The following VPS41 variants were observed in gnomAD, a reference collection of about 807,000 sequenced individuals.
VPS41 encodes the protein VPS41 subunit of HOPS complex.
A neutral mutation model predicts 130.9 loss-of-function variants in VPS41; 85 were observed. The observed-to-expected ratio is 0.65, with a 90% CI of 0.55 to 0.78. The LOEUF is 0.78. Ranked by LOEUF, VPS41 falls within the 30% of genes least tolerant of loss-of-function variation. The pLI, the probability that VPS41 is intolerant of heterozygous loss-of-function variation, is 0.00. For missense variants in VPS41, 874 were observed against 1,018.7 expected, an observed-to-expected ratio of 0.86 and a Z score of 1.93; for synonymous variants, 335 against 332.9, an observed-to-expected ratio of 1.01 and a Z score of -0.07.
chr7:38,889,856 C>T (rs772041628), intron 2 of VPS41, among the ~76,000 whole-genome samples: 11 of 152,114 alleles, frequency 7.2e-5, no homozygotes, highest in Non-Finnish European at 1.5e-5. Flanking sequence ...CCAAAAAATA[C>T]AATACCAACT....
intron 4 of VPS41, among the ~76,000 whole-genome samples, chr7:38,838,990 G>A (rs187512553): frequency 4.9e-4 from 75 of 152,256 alleles, no homozygotes; most frequent in Admixed American, 1.6e-3. Flanking sequence ...AGGCTCCTCT[G>A]ACTAACAAAT....
At chr7:38,744,066 A>G (rs1795938616) in intron 23 of VPS41, among the ~76,000 whole-genome samples, 1 of 152,208 alleles carries the variant, frequency 6.6e-6, no homozygotes, top group Admixed American at 6.5e-5. Context: ...TGCCAACTGC[A>G]AACTCAACTA....
chr7:38,779,196 G>A (rs2115884403), intron 10 of VPS41, among the ~76,000 whole-genome samples: 1 of 152,228 alleles, frequency 6.6e-6, no homozygotes, highest in Non-Finnish European at 1.5e-5. Context: ...TATATGCAGT[G>A]GCTAAATCAC....
chr7:38,871,650 C>T (rs532056103), intron 2 of VPS41, among the ~76,000 whole-genome samples: 1 of 152,230 alleles, frequency 6.6e-6, no homozygotes, highest in African/African-American at 2.4e-5. Context: ...ATAACACACT[C>T]CAAAATCTCC....
intron 22 of VPS41, among the ~76,000 whole-genome samples, chr7:38,751,351 T>C (rs1361175241): frequency 6.6e-6 from 1 of 152,184 alleles, no homozygotes; most frequent in Non-Finnish European, 1.5e-5. Flanking sequence ...TAGTCAGACA[T>C]TTGTAGATGT....
chr7:38,891,283 TAA>T (rs1453161129), intron 2 of VPS41, among the ~76,000 whole-genome samples: 12 of 152,198 alleles, frequency 7.9e-5, no homozygotes, highest in Non-Finnish European at 5.9e-5. Context: ...GCTAAGTATA[TAA>T]GTTATGCATA....
intron 15 of VPS41, among the ~76,000 whole-genome samples, chr7:38,767,254 G>A (rs764557716): frequency 6.6e-6 from 1 of 152,090 alleles, no homozygotes; most frequent in Non-Finnish European, 1.5e-5. Context: ...GGTAAAGTCT[G>A]AGATCCTTCA....
intron 25 of VPS41, among the ~76,000 whole-genome samples, chr7:38,735,813 C>T (rs1795751616): frequency 6.6e-6 from 1 of 152,170 alleles, no homozygotes; most frequent in Non-Finnish European, 1.5e-5. Flanking sequence ...GACAGCCCCT[C>T]TGTTAAGAAG....
intron 22 of VPS41, among the ~76,000 whole-genome samples, chr7:38,750,720 C>G (rs1049015449): frequency 6.6e-6 from 1 of 152,114 alleles, no homozygotes; most frequent in East Asian, 1.9e-4. Context: ...AAACTTTAAA[C>G]CAGGTGGGCA....
chr7:38,865,491 T>A (rs1172576321), intron 3 of VPS41, among the ~76,000 whole-genome samples: 1 of 151,762 alleles, frequency 6.6e-6, no homozygotes, highest in Non-Finnish European at 1.5e-5. Flanking sequence ...CTTAAAAGGG[T>A]TATGGTATAA....
At chr7:38,833,466 T>C (rs547905860) in intron 4 of VPS41, among the ~76,000 whole-genome samples, 8 of 152,316 alleles carry the variant, frequency 5.3e-5, no homozygotes, top group African/African-American at 1.9e-4. Flanking sequence ...CCCCTGGTTC[T>C]CTCTACTCCA....
At chr7:38,733,599 A>G (rs918916755) in intron 25 of VPS41, among the ~76,000 whole-genome samples, 1 of 152,196 alleles carries the variant, frequency 6.6e-6, no homozygotes, top group Non-Finnish European at 1.5e-5. Flanking sequence ...TTAACCCACT[A>G]AAAACTTTCT....
At chr7:38,882,454 C>T (rs1234282796) in intron 2 of VPS41, among the ~76,000 whole-genome samples, 1 of 152,204 alleles carries the variant, frequency 6.6e-6, no homozygotes, top group African/African-American at 2.4e-5. Flanking sequence ...TAAATGATCT[C>T]ATCCAGTTTC....
At chr7:38,816,902 C>A (rs912354216) in intron 7 of VPS41, among the ~76,000 whole-genome samples, 2 of 151,990 alleles carry the variant, frequency 1.3e-5, no homozygotes, top group Non-Finnish European at 2.9e-5. Flanking sequence ...TACCACCACA[C>A]GCAGCTAATT....
Position 38,789,811 on chromosome 7 carries a change from A to G in VPS41, c.774T>C (p.Tyr258=). ...ASEMRDLPSR[Y]VEIVSQFETE... is the part of the protein sequence containing the mutation. ...GTGTTGGAGCCATACCTATTTCAAC[A>G]TATCGACTTGGCAAATCCCTCATTT... The change falls in exon 10 of 29, where the codon TAT becomes TAC. Residue 258 remains tyrosine (Y), a synonymous_variant. Coordinates refer to ENST00000310301, the MANE Select transcript of VPS41 (RefSeq NM_014396.4). 3.1e-6 allele frequency: 5 copies of G among 1,613,754 alleles called. No individual in the cohort carries two copies. The highest frequency in any genetic ancestry group is 4.2e-6 in the Non-Finnish European group (5 of 1,179,724).
At chr7:38,744,591 T>C (rs1468865194) in intron 23 of VPS41, among the ~76,000 whole-genome samples, 3 of 152,226 alleles carry the variant, frequency 2.0e-5, no homozygotes, top group Admixed American at 1.3e-4. Context: ...TAAGACAATA[T>C]GACAAAAATT....
At chr7:38,758,542 T>A in intron 17 of VPS41, 61 bp from the exon 18 acceptor site, 1 of 1,521,256 alleles carries the variant, frequency 6.6e-7, no homozygotes, top group Non-Finnish European at 8.9e-7. Flanking sequence ...GTTGTGATAT[T>A]GTGAAATATA....
chr7:38,809,251 G>A (rs1208527334), intron 7 of VPS41, among the ~76,000 whole-genome samples: 3 of 151,044 alleles, frequency 2.0e-5, no homozygotes, highest in African/African-American at 4.9e-5. Flanking sequence ...TTGGGAGGCC[G>A]AGGCAGGCGG....
chr7:38,850,623 A>AAGTG (rs1785834351), intron 4 of VPS41, among the ~76,000 whole-genome samples: 1 of 151,896 alleles, frequency 6.6e-6, no homozygotes, highest in South Asian at 2.1e-4. Context: ...ACTGGTAAGT[A>AAGTG]TTAAATTTGA....
Sources: gnomAD v4.1 joint callset for allele counts (sites outside exome capture counted in the v4.1 genomes callset) on GRCh38, gnomAD v4.1.1 for gene constraint, MANE v1.5 for transcripts, NCBI Gene and HGNC (gene_info 2026-07-23, HGNC 2026-07-21) for gene names.